TAB3: variants seen among roughly 807,000 people sequenced by gnomAD.
TAB3 encodes TGF-beta-activated kinase 1 and MAP3K7-binding protein 3.
In TAB3, 18 loss-of-function variants were observed where a neutral mutation model predicts 48.1. The observed-to-expected ratio is 0.37, with a 90% CI of 0.26 to 0.55. The LOEUF (loss-of-function observed/expected upper bound fraction) is 0.55. Among genes scored for constraint, TAB3 ranks in the 20% least tolerant of loss-of-function variants. The pLI is 0.78. For missense variants in TAB3, 414 were observed against 549.8 expected (o/e 0.75, Z 2.47); for synonymous variants, 185 against 190.2 (o/e 0.97, Z 0.22).
rs3816757 is a variant in TAB3, at chrX:30,830,839, G to C, written c.*588C>G. On this transcript the variant is annotated 3_prime_UTR_variant, in exon 11 of 11. Coordinates refer to ENST00000288422, the MANE Select transcript of TAB3 (RefSeq NM_152787.5). ...TACAAATCACATTTTAAAACATTTT[G>C]TTTGTGTGCATGTATGTGTGTTGGA... is the stretch of plus-strand genomic sequence containing the variant. 0.22 allele frequency: 22,204 copies of C among 99,981 alleles called. 1,979 individuals are homozygous for C. The highest frequency in any genetic ancestry group is 0.34 in the Admixed American group (2,926 of 8,586). 8.2% of individuals were successfully genotyped at this position (99,981 alleles called of 1,213,427 possible). A position where few individuals can be genotyped will look rare whatever the true frequency, so the allele number is the denominator to read the frequency against.
chrX:30,845,925 G>A, intron 8 of TAB3: 1 of 934,564 alleles, frequency 1.1e-6, no homozygotes, highest in African/African-American at 2.0e-5. Context: ...CAATATTCAT[G>A]GGCCTACCAG....
chrX:30,852,692 GC>G, intron 7 of TAB3, 85 bp downstream of exon 7: 1 of 984,416 alleles, frequency 1.0e-6, no homozygotes, highest in Non-Finnish European at 1.4e-6. Context: ...CCGGAACTCT[GC>G]CAGGAATAAA....
At chrX:30,888,996 G>A (rs2075981098) in intron 1 of TAB3, 118 bp downstream of exon 1, 1 of 113,258 alleles carries the variant, frequency 8.8e-6, no homozygotes, top group African/African-American at 3.2e-5. Flanking sequence ...GTGAGTCCCC[G>A]GGACGCCGCA....
intron 9 of TAB3, chrX:30,835,353 C>T (rs980508896): frequency 8.1e-6 from 1 of 123,181 alleles, no homozygotes; most frequent in African/African-American, 3.2e-5. Context: ...CTCCTTAAGG[C>T]TCCAAAGAAT....
chrX:30,833,249 G>T lies in TAB3; in HGVS notation c.1990+802C>A, dbSNP rs751879061. Among the ~76,000 whole-genome samples, 5 of 110,019 alleles carry T rather than the reference G, an allele frequency of 4.5e-5. No individual in the cohort carries two copies. In the South Asian group the frequency reaches 2.0e-3, roughly 43 times the overall value. On this transcript the variant is annotated intron_variant, in intron 10 of 10. Transcript: ENST00000288422. The stretch of plus-strand genomic sequence containing the variant: ...CTCCCAAAGTGCTGGGATTACAGGT[G>T]TGAGCCACCGCACCCGGCCTACTAT...
intron 9 of TAB3, among the ~76,000 whole-genome samples, chrX:30,837,107 G>GGT (rs1938260907): frequency 1.0e-5 from 1 of 100,227 alleles, no homozygotes; most frequent in Non-Finnish European, 2.0e-5. Flanking sequence ...GGAGTGCAGT[G>GGT]GTGCGATCTC....
Position 30,854,428 on chromosome X carries a change from C to A in TAB3, c.1237G>T (p.Gly413Trp). ...TTPPSSSPSR[G>W]ISSQPKPPFS... ...GGAGGTTTTGGTTGACTAGATATCC[C>A]TCTTGAAGGAGAACTTGAAGGTGGC... Residue 413 changes from glycine to tryptophan, a missense_variant, in exon 6 of 11, where the codon GGG becomes TGG. Transcript: ENST00000288422. The A allele has an allele frequency of 8.3e-7, 1 of 1,211,548 alleles. No individual in the cohort carries two copies. Among genetic ancestry groups the A allele is most frequent in the Non-Finnish European group, 1.1e-6 (1 of 895,370 alleles).
intron 1 of TAB3, among the ~76,000 whole-genome samples, chrX:30,872,343 T>C (rs1569224444): frequency 9.0e-6 from 1 of 111,544 alleles, no homozygotes; most frequent in South Asian, 3.8e-4. Context: ...CCCACAATAA[T>C]GAAGAGAGTA....
chrX:30,840,891 G>C (rs755285905), intron 9 of TAB3, among the ~76,000 whole-genome samples: 39 of 112,063 alleles, frequency 3.5e-4, no homozygotes, highest in African/African-American at 1.2e-3. Flanking sequence ...CAGGGCAATT[G>C]CTCTAAGACA....
intron 1 of TAB3, among the ~76,000 whole-genome samples, chrX:30,879,508 G>T (rs1006470649): frequency 8.9e-6 from 1 of 111,804 alleles, no homozygotes. Flanking sequence ...ATATCCTATG[G>T]TTATATTAAC....
intron 9 of TAB3, among the ~76,000 whole-genome samples, chrX:30,840,403 C>T (rs1250701298): frequency 3.6e-5 from 4 of 111,321 alleles, no homozygotes; most frequent in African/African-American, 1.3e-4. Context: ...TTTGCCTTGC[C>T]CAAACAGAGG....
At chrX:30,863,884 A>G (rs1939327633) in intron 4 of TAB3, among the ~76,000 whole-genome samples, 1 of 112,521 alleles carries the variant, frequency 8.9e-6, no homozygotes, top group Non-Finnish European at 1.9e-5. Flanking sequence ...TAGAAACAAA[A>G]TGAAAACACT....
intron 5 of TAB3, among the ~76,000 whole-genome samples, chrX:30,856,207 C>T (rs934056715): frequency 8.9e-6 from 1 of 111,921 alleles, no homozygotes; most frequent in Non-Finnish European, 1.9e-5. Flanking sequence ...ACTTGAACTA[C>T]GGCTCCATGA....
At chrX:30,887,651 T>C (rs2147424792) in intron 1 of TAB3, among the ~76,000 whole-genome samples, 1 of 112,427 alleles carries the variant, frequency 8.9e-6, no homozygotes, top group South Asian at 3.7e-4. Flanking sequence ...CGGCATAACA[T>C]TATCTTTAGC....
chrX:30,859,867 A>G (rs1469375867), intron 4 of TAB3, 189 bp from the exon 5 acceptor site: 2 of 345,880 alleles, frequency 5.8e-6, no homozygotes, highest in Non-Finnish European at 9.8e-6. Flanking sequence ...TTACCCTCAC[A>G]GAAACACTAA....
chrX:30,862,145 A>G (rs1183776114), intron 4 of TAB3, among the ~76,000 whole-genome samples: 2 of 112,447 alleles, frequency 1.8e-5, no homozygotes, highest in Non-Finnish European at 3.8e-5. Context: ...ATAAATATTT[A>G]TTAGGAGAAA....
At chrX:30,877,561 G>A (rs1270856622) in intron 1 of TAB3, among the ~76,000 whole-genome samples, 3 of 112,286 alleles carry the variant, frequency 2.7e-5, no homozygotes, top group Non-Finnish European at 5.6e-5. Context: ...GAGGAAGGTA[G>A]AAGTATCAAT....
chrX:30,860,779 G>A (rs1238804607), intron 4 of TAB3, among the ~76,000 whole-genome samples: 1 of 112,023 alleles, frequency 8.9e-6, no homozygotes, highest in Non-Finnish European at 1.9e-5. Flanking sequence ...ACTGACCAAA[G>A]TGAAATGTTG....
chrX:30,882,784 G>A (rs995520617), intron 1 of TAB3, among the ~76,000 whole-genome samples: 3 of 111,764 alleles, frequency 2.7e-5, no homozygotes, highest in South Asian at 3.7e-4. Context: ...TGGTAAAATC[G>A]AGTAAAATCT....
Sources: gnomAD v4.1 joint callset for allele counts (sites outside exome capture counted in the v4.1 genomes callset) on GRCh38, gnomAD v4.1.1 for gene constraint, MANE v1.5 for transcripts, NCBI Gene and HGNC (gene_info 2026-07-23, HGNC 2026-07-21) for gene names.